The following TULP1 variants were observed in gnomAD, a reference collection of about 807,000 sequenced individuals.
TULP1 encodes TUB like protein 1.
A neutral mutation model predicts 67.1 loss-of-function variants in TULP1; 50 were observed. The observed-to-expected ratio is 0.75, with a 90% confidence interval of 0.59 to 0.94. The LOEUF is 0.94. Ranked by LOEUF, TULP1 falls within the 40% of genes least tolerant of loss-of-function variation. TULP1 has a pLI of 0.00. For missense variants in TULP1, 746 were observed against 734.1 expected (o/e 1.02, Z -0.19); for synonymous variants, 297 against 294.0 (o/e 1.01, Z -0.11).
Position 35,500,078 on chromosome 6 carries a change from A to G in TULP1, c.1398T>C (p.Pro466=). The G allele has an allele frequency of 1.9e-6, 3 of 1,614,188 alleles. No homozygotes were observed. Among genetic ancestry groups the G allele is most frequent in the Non-Finnish European group, 2.5e-6 (3 of 1,180,022 alleles). The stretch of plus-strand genomic sequence containing the variant: ...AGGAGCCACTGTCATCGTTCCAGAC[A>G]GGTGGCTTGTTGTGCAGTTCTATGA... The part of the protein sequence containing the change: ...ESLIELHNKP[P]VWNDDSGSYT... Residue 466 remains proline, a synonymous_variant, in exon 14 of 15, where the codon CCT becomes CCC. Coordinates refer to ENST00000229771, the MANE Select transcript of TULP1 (RefSeq NM_003322.6).
Position 35,498,438 on chromosome 6 carries a change from G to T in TULP1, c.1518C>A (p.Phe506Leu). 1 of 1,613,966 alleles carries T rather than the reference G, an allele frequency of 6.2e-7. No individual in the cohort carries two copies. Residue 506 changes from phenylalanine (F) to leucine (L), a missense_variant, in exon 15 of 15, where the codon TTC becomes TTA. Around this residue, in one of 3 missense-constraint regions of TULP1, gnomAD observed 383 missense variants for 374.1 expected, o/e 1.02. Transcript: ENST00000229771. The surrounding 1 kb of genome is among the most constrained non-coding windows in gnomAD (Gnocchi z 6.7). ...ADDPDYIVLQFGRVAEDAFTL... is the reference protein window; with the variant it reads ...ADDPDYIVLQLGRVAEDAFTL... Reference sequence around the variant, plus strand: ...TGAAGGCGTCCTCCGCCACGCGGCCGAACTGCAGCACGATATAGTCGGCTA... The same window carrying T: ...TGAAGGCGTCCTCCGCCACGCGGCCTAACTGCAGCACGATATAGTCGGCTA...
chr6:35,512,019 C>A, intron 3 of TULP1, 161 bp downstream of exon 3: 1 of 564,106 alleles, frequency 1.8e-6, no homozygotes. Context: ...CTACACCAAC[C>A]CCAACCCCAA....
chr6:35,509,432 T>C (rs1761151554), intron 7 of TULP1, 120 bp from the exon 8 acceptor site: 2 of 1,146,574 alleles, frequency 1.7e-6, no homozygotes, highest in African/African-American at 1.5e-5. Flanking sequence ...CCCATGTTAT[T>C]ATTAGAGCCC....
chr6:35,503,321 A>G lies in TULP1; in HGVS notation c.1323+238T>C, dbSNP rs539342618. The G allele has an allele frequency of 5.5e-6, 3 of 542,544 alleles. No homozygotes were observed. In the African/African-American group the frequency reaches 5.7e-5, roughly 10 times the overall value. The allele number at this position is 542,544 out of a possible 1,614,324, so 33.6% of individuals were successfully genotyped here. ...TGGCACTCAATATGTGTGGTCAATG[A>G]AGATATGAATGGATGTAATATATGA... On this transcript the variant is annotated intron_variant, in intron 13 of 14. Transcript: ENST00000229771. The surrounding 1 kb of genome is among the most constrained non-coding windows in gnomAD (Gnocchi z 4.0).
Position 35,503,388 on chromosome 6 carries a change from G to T in TULP1, c.1323+171C>A, listed in dbSNP as rs1300466423. 1 of 675,806 alleles carries T rather than the reference G, an allele frequency of 1.5e-6. No individual in the cohort carries two copies. Among genetic ancestry groups the T allele is most frequent in the African/African-American group, 1.8e-5 (1 of 55,362 alleles). 41.9% of individuals were successfully genotyped at this position (675,806 alleles called of 1,614,324 possible). On this transcript the variant is annotated intron_variant, in intron 13 of 14. Coordinates refer to ENST00000229771, the MANE Select transcript of TULP1 (RefSeq NM_003322.6). The surrounding 1 kb of genome is among the most constrained non-coding windows in gnomAD (Gnocchi z 4.0). ...AAAAACAACCAAAAAGCCCATTGTG[G>T]TTTTTCAGTGAATTCAATTACAAAA...
In TULP1 at chr6:35,511,869, C is replaced by T. The variant is rs1245047142; in HGVS notation, c.191-63G>A. The T allele has an allele frequency of 4.8e-6, 7 of 1,466,000 alleles. No homozygotes were observed. The East Asian group carries it at 1.5e-4, about 31-fold the overall frequency. 90.8% of individuals were successfully genotyped at this position (1,466,000 alleles called of 1,614,324 possible). A position where few individuals can be genotyped will look rare whatever the true frequency, so the allele number is the denominator to read the frequency against. On this transcript the variant is annotated intron_variant, in intron 3 of 14. Coordinates refer to ENST00000229771, the MANE Select transcript of TULP1 (RefSeq NM_003322.6). ...GCGGGTCCGCGAGGCAGCGCCTCTA[C>T]CCGCTACCCCCAAGCCTGGGCGCAC...
Position 35,504,043 on chromosome 6 carries a change from T to G in TULP1, c.1113-195A>C. 4 of 560,618 alleles carry G rather than the reference T, an allele frequency of 7.1e-6. No individual in the cohort carries two copies. The South Asian group carries it at 8.2e-5, about 12-fold the overall frequency. 34.7% of individuals were successfully genotyped at this position (560,618 alleles called of 1,614,324 possible). A position where few individuals can be genotyped will look rare whatever the true frequency, so the allele number is the denominator to read the frequency against. On this transcript the variant is annotated intron_variant, in intron 11 of 14. Coordinates refer to ENST00000229771, the MANE Select transcript of TULP1 (RefSeq NM_003322.6). ...TTAAATGCTGGCCCAACCCAGGGCA[T>G]GGTGGCTCAAGCTTGTAATCCCAGC...
At position 35,498,281 on chromosome 6, in the gene TULP1, T is replaced by C. The variant is rs1488388186; in HGVS notation, c.*46A>G. ...ACCCTGCCAGCCTCCACTGAATCCT[T>C]TCCCCCACGCTGACGGGCTCTGGGG... On this transcript the variant is annotated 3_prime_UTR_variant, in exon 15 of 15. Transcript: ENST00000229771. The surrounding 1 kb of genome is among the most constrained non-coding windows in gnomAD (Gnocchi z 6.7). 5.6e-6 allele frequency: 9 copies of C among 1,606,498 alleles called. No individual in the cohort carries two copies. In the East Asian group the frequency reaches 2.0e-4, roughly 36 times the overall value.
chr6:35,498,520 G>A lies in TULP1; in HGVS notation c.1496-60C>T. On this transcript the variant is annotated intron_variant, in intron 14 of 14. Coordinates refer to ENST00000229771, the MANE Select transcript of TULP1 (RefSeq NM_003322.6). The surrounding 1 kb of genome is among the most constrained non-coding windows in gnomAD (Gnocchi z 6.7). ...ACCTCCTTGGACCCCCATCCTGGCA[G>A]ACAGTGCCCTCAACCTTGGGGGCAG... 1 of 1,609,822 alleles carries A rather than the reference G, an allele frequency of 6.2e-7. No individual in the cohort carries two copies. The highest frequency in any genetic ancestry group is 8.5e-7 in the Non-Finnish European group (1 of 1,178,764).
intron 8 of TULP1, among the ~76,000 whole-genome samples, chr6:35,506,594 T>G (rs1561815834): frequency 6.6e-6 from 1 of 152,244 alleles, no homozygotes; most frequent in East Asian, 1.9e-4. Context: ...CTTACCTATG[T>G]ATTTAACACA....
chr6:35,509,356 G>C (rs753569664), intron 7 of TULP1, 44 bp from the exon 8 acceptor site: 4 of 1,580,994 alleles, frequency 2.5e-6, no homozygotes, highest in Admixed American at 1.7e-5. Flanking sequence ...CCTCACCCTG[G>C]TTTGCAAAGT....
chr6:35,503,465 T>G lies in TULP1; in HGVS notation c.1323+94A>C, dbSNP rs1398450948. 8.0e-7 allele frequency: 1 copy of G among 1,256,320 alleles called. No individual in the cohort carries two copies. Among genetic ancestry groups the G allele is most frequent in the Admixed American group, 2.0e-5 (1 of 50,448 alleles). 77.8% of individuals were successfully genotyped at this position (1,256,320 alleles called of 1,614,324 possible). On this transcript the variant is annotated intron_variant, in intron 13 of 14. Coordinates refer to ENST00000229771, the MANE Select transcript of TULP1 (RefSeq NM_003322.6). This position sits in a 1 kb window ranked among gnomAD's most constrained non-coding sequence, Gnocchi z 4.0. ...AGAATGAATTTGTGTTGGAGGGTGA[T>G]GGATGTGCTCAGGGAGTTGGCTATT...
At chr6:35,504,355 C>CA (rs1348267111) in intron 11 of TULP1, among the ~76,000 whole-genome samples, 4 of 150,602 alleles carry the variant, frequency 2.7e-5, no homozygotes, top group Non-Finnish European at 4.4e-5. Context: ...CAAAACAAAA[C>CA]AAAAAAAAGG....
intron 3 of TULP1, 67 bp downstream of exon 3, chr6:35,512,113 G>A: frequency 1.0e-6 from 1 of 981,556 alleles, no homozygotes; most frequent in South Asian, 3.1e-5. Context: ...ACCCGCGCCG[G>A]CCCTCAAGCC....
At chr6:35,501,119 T>C (rs1380428728) in intron 13 of TULP1, among the ~76,000 whole-genome samples, 1 of 152,126 alleles carries the variant, frequency 6.6e-6, no homozygotes, top group Non-Finnish European at 1.5e-5. Context: ...CCTGCAGTGC[T>C]AAAGAGCAGA....
chr6:35,498,054 G>T lies in TULP1; in HGVS notation c.*273C>A, dbSNP rs1768737907. On this transcript the variant is annotated 3_prime_UTR_variant, in exon 15 of 15. Coordinates refer to ENST00000229771, the MANE Select transcript of TULP1 (RefSeq NM_003322.6). This position sits in a 1 kb window ranked among gnomAD's most constrained non-coding sequence, Gnocchi z 6.7. ...GGAAGTGACTGGGGCGCGGGGAGGA[G>T]GGGGGCACAGCGGCGCAGGCGAGCT... 1 of 572,724 alleles carries T rather than the reference G, an allele frequency of 1.7e-6. No homozygotes were observed. The highest frequency in any genetic ancestry group is 2.0e-5 in the South Asian group (1 of 48,832). 35.5% of individuals were successfully genotyped at this position (572,724 alleles called of 1,614,324 possible).
intron 8 of TULP1, among the ~76,000 whole-genome samples, chr6:35,507,503 T>C (rs1761109913): frequency 6.6e-6 from 1 of 152,214 alleles, no homozygotes; most frequent in South Asian, 2.1e-4. Flanking sequence ...TACATAGCAA[T>C]GCATAGTTAA....
chr6:35,504,813 G>A (rs958051389), intron 11 of TULP1, among the ~76,000 whole-genome samples: 13 of 151,808 alleles, frequency 8.6e-5, no homozygotes, highest in South Asian at 2.1e-4. Context: ...TGATCCGCCC[G>A]CCTCAGCCTC....
In TULP1 at chr6:35,497,892, T is replaced by G; in HGVS notation, c.*435A>C. The G allele has an allele frequency of 9.6e-6, 2 of 209,086 alleles. No homozygotes were observed. Among genetic ancestry groups the G allele is most frequent in the Admixed American group, 5.6e-5 (1 of 17,950 alleles). 13.0% of individuals were successfully genotyped at this position (209,086 alleles called of 1,614,324 possible). On this transcript the variant is annotated 3_prime_UTR_variant, in exon 15 of 15. Coordinates refer to ENST00000229771, the MANE Select transcript of TULP1 (RefSeq NM_003322.6). ...GCTCCGCTTGGCCAAGGACGCGGCTTTATTGGGGATGTGGGTGCCTGGCCC... is the reference window on the plus strand; with the variant it reads ...GCTCCGCTTGGCCAAGGACGCGGCTGTATTGGGGATGTGGGTGCCTGGCCC...
Sources: gnomAD v4.1 joint callset for allele counts (sites outside exome capture counted in the v4.1 genomes callset) on GRCh38, gnomAD v4.1.1 for gene constraint, gnomAD v4.1.1 regional missense constraint, Gnocchi (gnomAD v3.1) non-coding constraint, MANE v1.5 for transcripts, NCBI Gene and HGNC (gene_info 2026-07-23, HGNC 2026-07-21) for gene names.